KSR2: variants seen among roughly 807,000 people sequenced by gnomAD.
The protein encoded by KSR2 is kinase suppressor of ras 2.
In KSR2, 25 loss-of-function variants were observed where a neutral mutation model predicts 107.8. The observed-to-expected ratio is 0.23, with a 90% CI of 0.17 to 0.32. The LOEUF is 0.32. KSR2 is among the 10% of genes least tolerant of loss of function. The pLI is 1.00. For missense variants in KSR2, 887 were observed against 1,268.9 expected, an observed-to-expected ratio of 0.70 and a Z score of 4.57; for synonymous variants, 480 against 507.0, an observed-to-expected ratio of 0.95 and a Z score of 0.71.
chr12:117,794,782 T>C (rs890135121), intron 3 of KSR2, among the ~76,000 whole-genome samples: 1 of 152,118 alleles, frequency 6.6e-6, no homozygotes, highest in South Asian at 2.1e-4. Context: ...ACACACAGAA[T>C]AGTCACTTTA....
intron 17 of KSR2, among the ~76,000 whole-genome samples, chr12:117,472,906 C>T (rs576477758): frequency 6.6e-6 from 1 of 152,252 alleles, no homozygotes; most frequent in Non-Finnish European, 1.5e-5. Context: ...TCTGCCCCTT[C>T]CAGGAACAGC....
In KSR2 at chr12:117,785,501, C is replaced by T. The variant is rs546474479; in HGVS notation, c.473-23977G>A. Among the ~76,000 whole-genome samples the T allele has an allele frequency of 2.2e-5, 3 of 136,290 alleles. 1 individual carries two copies. The South Asian group carries it at 8.1e-4, about 37-fold the overall frequency. 89.4% of individuals were successfully genotyped at this position (136,290 alleles called of 152,430 possible). On this transcript the variant is annotated intron_variant, in intron 3 of 19. Transcript: ENST00000339824. ...AGATATTAGAATTACCAGACATAAA[C>T]TTTAAAGCAGGCATTATGACCATGC...
intron 5 of KSR2, among the ~76,000 whole-genome samples, chr12:117,598,600 G>A (rs376436576): frequency 1.3e-5 from 2 of 151,982 alleles, no homozygotes; most frequent in Non-Finnish European, 2.9e-5. Flanking sequence ...AAAGTGTTCC[G>A]TTTTCACCAC....
intron 4 of KSR2, among the ~76,000 whole-genome samples, chr12:117,734,659 CATTT>C (rs1337247737): frequency 6.6e-6 from 1 of 152,160 alleles, no homozygotes; most frequent in Non-Finnish European, 1.5e-5. Context: ...AAGGCAGGGT[CATTT>C]GCTCACCAGA....
chr12:117,518,768 C>T (rs1874551388), intron 14 of KSR2, among the ~76,000 whole-genome samples: 1 of 152,224 alleles, frequency 6.6e-6, no homozygotes, highest in Admixed American at 6.5e-5. Context: ...TCATACCTAC[C>T]CCAGGGCCTT....
chr12:117,774,257 C>T (rs1024538442), intron 3 of KSR2, among the ~76,000 whole-genome samples: 1 of 152,156 alleles, frequency 6.6e-6, no homozygotes, highest in African/African-American at 2.4e-5. Context: ...ACCGAAAATC[C>T]AGGAAAATTT....
chr12:117,758,556 C>G (rs1188762998), intron 4 of KSR2, among the ~76,000 whole-genome samples: 1 of 152,178 alleles, frequency 6.6e-6, no homozygotes, highest in Admixed American at 6.5e-5. Flanking sequence ...AGCTTGCTAA[C>G]TCAGCCAGAA....
At position 117,842,852 on chromosome 12, in the gene KSR2, G is replaced by A. The variant is rs554247799; in HGVS notation, c.472+12576C>T. On this transcript the variant is annotated intron_variant, in intron 3 of 19. Coordinates refer to ENST00000339824, the MANE Select transcript of KSR2 (RefSeq NM_173598.6). This position sits in a 1 kb window ranked among gnomAD's most constrained non-coding sequence, Gnocchi z 4.2. ...GACAGGTGGATGAAGCCTTGGACCA[G>A]GTTGCTCGACAGGGGTTCTGCTGCA... Among the ~76,000 whole-genome samples, 113 of 152,252 alleles carry A rather than the reference G, an allele frequency of 7.4e-4. No individual in the cohort carries two copies. The highest frequency in any genetic ancestry group is 3.4e-3 in the Middle Eastern group (1 of 294).
At chr12:117,636,328 T>C (rs1883073403) in intron 5 of KSR2, among the ~76,000 whole-genome samples, 1 of 125,774 alleles carries the variant, frequency 8.0e-6, no homozygotes, top group African/African-American at 3.1e-5. Flanking sequence ...TTAAAATAAA[T>C]CTTATGTACT....
chr12:117,941,278 G>A (rs1312019324), intron 1 of KSR2, among the ~76,000 whole-genome samples: 2 of 151,500 alleles, frequency 1.3e-5, no homozygotes, highest in Non-Finnish European at 2.9e-5. Flanking sequence ...TCTTCCTGTG[G>A]GTTTCCTGCC....
chr12:117,966,677 C>CCT (rs1231943015), intron 1 of KSR2, among the ~76,000 whole-genome samples: 1 of 145,582 alleles, frequency 6.9e-6, no homozygotes, highest in Admixed American at 7.1e-5. Flanking sequence ...TCTCTCCCTC[C>CCT]CTCTCTTTCT....
intron 7 of KSR2, among the ~76,000 whole-genome samples, chr12:117,574,007 C>T (rs535859861): frequency 1.5e-4 from 23 of 152,208 alleles, no homozygotes; most frequent in East Asian, 1.2e-3. Flanking sequence ...TGAAATGTCC[C>T]GCTGGGCAAT....
At chr12:117,892,051 C>A (rs1894362724) in intron 1 of KSR2, among the ~76,000 whole-genome samples, 1 of 151,352 alleles carries the variant, frequency 6.6e-6, no homozygotes. Flanking sequence ...GTAATCTTAG[C>A]ACTTTGGGAG....
intron 5 of KSR2, among the ~76,000 whole-genome samples, chr12:117,641,342 A>C (rs1057418370): frequency 6.6e-6 from 1 of 152,102 alleles, no homozygotes; most frequent in African/African-American, 2.4e-5. Flanking sequence ...GAGCCGACCC[A>C]CCTGCCTCTG....
intron 4 of KSR2, among the ~76,000 whole-genome samples, chr12:117,705,775 G>A (rs1886500822): frequency 6.6e-6 from 1 of 152,196 alleles, no homozygotes; most frequent in South Asian, 2.1e-4. Context: ...CATAGACTGG[G>A]AATGCTCCCC....
chr12:117,794,876 G>C (rs968762301), intron 3 of KSR2, among the ~76,000 whole-genome samples: 23 of 152,196 alleles, frequency 1.5e-4, no homozygotes, highest in African/African-American at 5.5e-4. Context: ...GTTGATGATA[G>C]TGACAGCTGA....
At chr12:117,666,747 A>G (rs1391674971) in intron 5 of KSR2, among the ~76,000 whole-genome samples, 1 of 152,170 alleles carries the variant, frequency 6.6e-6, no homozygotes, top group Non-Finnish European at 1.5e-5. Context: ...CCTTCTCTTG[A>G]GCAACCAATC....
chr12:117,769,816 G>A (rs1246644810), intron 3 of KSR2, among the ~76,000 whole-genome samples: 1 of 152,126 alleles, frequency 6.6e-6, no homozygotes, highest in Admixed American at 6.5e-5. Context: ...CACTTTGGGA[G>A]GCCGAGGCGG....
intron 1 of KSR2, among the ~76,000 whole-genome samples, chr12:117,949,286 T>G (rs1186593294): frequency 6.7e-6 from 1 of 149,216 alleles, no homozygotes; most frequent in Non-Finnish European, 1.5e-5. Context: ...AGTTTTGCTC[T>G]GCAAACAGTA....
Sources: allele counts gnomAD v4.1 joint callset (sites outside exome capture counted in the v4.1 genomes callset), GRCh38; gene constraint gnomAD v4.1.1; non-coding constraint Gnocchi (gnomAD v3.1); transcripts MANE v1.5; gene names NCBI Gene and HGNC (gene_info 2026-07-23, HGNC 2026-07-21).